The following MYO5B variants were observed in gnomAD, a reference collection of about 807,000 sequenced individuals.
MYO5B encodes myosin VB, also known as unconventional myosin-Vb.
In MYO5B, 143 loss-of-function variants were observed where a neutral mutation model predicts 229.3. The observed-to-expected ratio is 0.62, with a 90% CI of 0.54 to 0.72. The LOEUF (loss-of-function observed/expected upper bound fraction) is 0.72. Among genes scored for constraint, MYO5B ranks in the 30% least tolerant of loss-of-function variants. The pLI is 0.00. For synonymous variants in MYO5B, 918 were observed against 885.2 expected, an observed-to-expected ratio of 1.04 and a Z score of -0.66; for missense variants, 2,321 against 2,331.0, an observed-to-expected ratio of 1.00 and a Z score of 0.09.
rs139110758 is a variant in MYO5B at position 50,128,599 on chromosome 18, G to A, written c.27+66168C>T. Among the ~76,000 whole-genome samples the A allele has an allele frequency of 7.9e-4, 121 of 152,206 alleles. 1 individual carries two copies. The highest frequency in any genetic ancestry group is 6.8e-3 in the South Asian group (33 of 4,830). ...AAGTCTCTCGTGCCTTGAGAACAGA[G>A]GACTCTCACACTCCCTTGGATTTAT... On this transcript the variant is annotated intron_variant, in intron 1 of 39. Coordinates refer to ENST00000285039, the MANE Select transcript of MYO5B (RefSeq NM_001080467.3).
At chr18:49,859,661 C>G (rs180827895) in intron 29 of MYO5B, among the ~76,000 whole-genome samples, 1 of 152,310 alleles carries the variant, frequency 6.6e-6, no homozygotes, top group Admixed American at 6.5e-5. Flanking sequence ...ATTAATATGA[C>G]CTAGCCATGA....
intron 17 of MYO5B, among the ~76,000 whole-genome samples, chr18:49,918,668 A>C (rs1426225312): frequency 1.3e-5 from 2 of 152,228 alleles, no homozygotes; most frequent in Non-Finnish European, 2.9e-5. Flanking sequence ...TCACATGGAA[A>C]CCAGCAGCAA....
rs1199287156 is a variant in MYO5B at position 49,864,377 on chromosome 18, G to A, written c.3607C>T (p.Gln1203Ter). 6.2e-7 allele frequency: 1 copy of A among 1,613,038 alleles called. No homozygotes were observed. Among genetic ancestry groups the A allele is most frequent in the South Asian group, 1.1e-5 (1 of 91,066 alleles). ...TTTTTGTTCTCTGACTCCAGCTCTT[G>A]CCTCTGGAAGACAGCCCAAGGGCCG... ...ADLAYNSLKR[Q>*]ELESENKKLK... Residue 1203 changes from glutamine to a stop codon, truncating the protein, a stop_gained, in exon 28 of 40, where the codon CAA becomes TAA. Transcript: ENST00000285039. LOFTEE classifies it high-confidence loss of function.
At chr18:49,999,219 T>C (rs538666671) in intron 5 of MYO5B, among the ~76,000 whole-genome samples, 96 of 152,368 alleles carry the variant, frequency 6.3e-4, no homozygotes, top group African/African-American at 1.9e-3. Flanking sequence ...GATATCTTAC[T>C]GCCTAAAAGA....
At chr18:50,014,836 C>T (rs960788800) in intron 4 of MYO5B, among the ~76,000 whole-genome samples, 24 of 152,290 alleles carry the variant, frequency 1.6e-4, no homozygotes, top group South Asian at 1.0e-3. Flanking sequence ...AGCTCCCTTG[C>T]GTAAAATGTT....
intron 26 of MYO5B, among the ~76,000 whole-genome samples, chr18:49,874,363 C>T (rs926254848): frequency 6.6e-6 from 1 of 152,232 alleles, no homozygotes; most frequent in African/African-American, 2.4e-5. Flanking sequence ...AGAACTTGTA[C>T]ATCAGGCACC....
intron 1 of MYO5B, among the ~76,000 whole-genome samples, chr18:50,194,554 T>A: frequency 6.6e-6 from 1 of 152,100 alleles, no homozygotes; most frequent in Non-Finnish European, 1.5e-5. Flanking sequence ...AGGAGCCGGG[T>A]GGCCGGTCAG....
chr18:49,839,152 G>T lies in MYO5B; in HGVS notation c.4844C>A (p.Pro1615Gln), dbSNP rs776975234. 5 of 1,613,300 alleles carry T rather than the reference G, an allele frequency of 3.1e-6. No homozygotes were observed. Among genetic ancestry groups the T allele is most frequent in the Admixed American group, 3.3e-5 (2 of 59,994 alleles). Residue 1615 changes from proline (P) to glutamine (Q), a missense_variant, in exon 36 of 40, where the codon CCG becomes CAG. Around this residue, in one of 2 missense-constraint regions of MYO5B, gnomAD observed 2,113 missense variants for 2,044.7 expected, o/e 1.03. Transcript: ENST00000285039. The part of the protein sequence containing the change: ...LIKIAEGVLQ[P>Q]MIVSAMLENE... The stretch of plus-strand genomic sequence containing the variant: ...TCCTGCTGCCAGCTTACCTATCATC[G>T]GCTGTAACACGCCCTCGGCAATTTT...
chr18:50,046,593 ACT>A (rs1282190581), intron 2 of MYO5B, among the ~76,000 whole-genome samples: 3 of 152,070 alleles, frequency 2.0e-5, no homozygotes, highest in Admixed American at 6.5e-5. Context: ...TGTTAAGGAA[ACT>A]CTATTCCCAG....
chr18:50,168,150 C>T (rs2032879379), intron 1 of MYO5B, among the ~76,000 whole-genome samples: 1 of 152,200 alleles, frequency 6.6e-6, no homozygotes, highest in Non-Finnish European at 1.5e-5. Context: ...GGCACCAACC[C>T]TGCTAAGAAT....
At chr18:49,982,191 C>G (rs914413389) in intron 8 of MYO5B, among the ~76,000 whole-genome samples, 1 of 152,178 alleles carries the variant, frequency 6.6e-6, no homozygotes, top group Non-Finnish European at 1.5e-5. Context: ...CCACTTCAGC[C>G]TCTTGAGTAG....
intron 1 of MYO5B, among the ~76,000 whole-genome samples, chr18:50,187,623 C>T (rs1447188590): frequency 2.6e-5 from 4 of 152,150 alleles, no homozygotes; most frequent in African/African-American, 9.7e-5. Context: ...TCAAGCAATC[C>T]TCCCACCTCG....
intron 17 of MYO5B, among the ~76,000 whole-genome samples, chr18:49,927,427 A>G (rs2025141266): frequency 6.6e-6 from 1 of 152,068 alleles, no homozygotes; most frequent in Non-Finnish European, 1.5e-5. Flanking sequence ...CAAGACTAGC[A>G]AAAACAAAAA....
At chr18:50,078,383 A>G (rs1396102748) in intron 1 of MYO5B, among the ~76,000 whole-genome samples, 1 of 152,148 alleles carries the variant, frequency 6.6e-6, no homozygotes, top group East Asian at 1.9e-4. Flanking sequence ...TTTAAGGCAA[A>G]TTTTTCTATG....
At chr18:49,946,775 G>C (rs1279010402) in intron 14 of MYO5B, among the ~76,000 whole-genome samples, 3 of 152,156 alleles carry the variant, frequency 2.0e-5, no homozygotes, top group African/African-American at 7.2e-5. Context: ...GCAGTGGCAG[G>C]ATCTGGGATT....
At chr18:49,998,055 G>GT (rs140713470) in intron 5 of MYO5B, among the ~76,000 whole-genome samples, 2,585 of 151,924 alleles carry the variant, frequency 0.017, 73 homozygotes, top group African/African-American at 0.06. Context: ...ACGAAAAGTC[G>GT]TGTTTTCAGA....
At chr18:49,879,171 T>C in intron 23 of MYO5B, 81 bp from the exon 24 acceptor site, 1 of 1,572,026 alleles carries the variant, frequency 6.4e-7, no homozygotes, top group Non-Finnish European at 8.7e-7. Context: ...GATTAATCTC[T>C]TGTTAAGAGG....
At chr18:49,868,343 T>C (rs1289330248) in intron 27 of MYO5B, among the ~76,000 whole-genome samples, 1 of 152,232 alleles carries the variant, frequency 6.6e-6, no homozygotes, top group East Asian at 1.9e-4. Flanking sequence ...TCGAAGGATC[T>C]TCTCAACTGA....
intron 1 of MYO5B, among the ~76,000 whole-genome samples, chr18:50,181,478 C>A (rs754193752): frequency 6.6e-6 from 1 of 152,244 alleles, no homozygotes; most frequent in Non-Finnish European, 1.5e-5. Flanking sequence ...CCTCACCTTA[C>A]TCAACCAGCT....
Sources: allele counts gnomAD v4.1 joint callset (sites outside exome capture counted in the v4.1 genomes callset), GRCh38; gene constraint gnomAD v4.1.1; regional missense constraint gnomAD v4.1.1; transcripts MANE v1.5; gene names NCBI Gene and HGNC (gene_info 2026-07-23, HGNC 2026-07-21).